The following ZNF398 variants were observed in gnomAD, a reference collection of about 807,000 sequenced individuals.
The protein encoded by ZNF398 is zinc finger protein 398, also known as zinc finger DNA binding protein ZER6.
Under a neutral mutation model 41.9 loss-of-function variants are expected in ZNF398, and 18 were observed. The ratio of observed to expected loss-of-function variants is 0.43; its 90% confidence interval spans 0.30 to 0.64. The LOEUF is 0.64. Ranked by LOEUF, ZNF398 falls within the 30% of genes least tolerant of loss-of-function variation. ZNF398 has a pLI of 0.14. For missense variants in ZNF398, 669 were observed against 822.8 expected (o/e 0.81, Z 2.29); for synonymous variants, 260 against 308.8 (o/e 0.84, Z 1.66).
rs533234369 is a variant in ZNF398, at chr7:149,141,295, A to G, written c.-490+12351A>G. On this transcript the variant is annotated intron_variant, in intron 2 of 6. Coordinates refer to the ZNF398 transcript ENST00000426851. ...TACAACTGTTCTCTCTAATCCACAG[A>G]CTTTTTTTTTTTTTTTTGAGACAGA... Among the ~76,000 whole-genome samples the G allele has an allele frequency of 3.6e-5, 3 of 82,254 alleles. No individual in the cohort carries two copies. The East Asian group carries it at 1.5e-3, about 40-fold the overall frequency. The allele number at this position is 82,254 out of a possible 152,430, so 54.0% of individuals were successfully genotyped here.
rs139777923 is a variant in ZNF398, at chr7:149,170,220, T to C, written c.661+3290T>C. Among the ~76,000 whole-genome samples the C allele has an allele frequency of 3.4e-4, 52 of 152,272 alleles. 1 individual carries two copies. In the East Asian group the frequency reaches 9.6e-3, roughly 28 times the overall value. The stretch of plus-strand genomic sequence containing the variant: ...GGATATCTTCTGAGAAATGCATCAT[T>C]AGTTGATTTTGTCATTGTGCAGACA... On this transcript the variant is annotated intron_variant, in intron 4 of 5. Coordinates refer to ENST00000475153, the MANE Select transcript of ZNF398 (RefSeq NM_170686.3).
chr7:149,143,228 G>A (rs1011617689), upstream of ZNF398, among the ~76,000 whole-genome samples: 2 of 152,180 alleles, frequency 1.3e-5, no homozygotes, highest in Admixed American at 6.6e-5. Flanking sequence ...ACTGAAGCAA[G>A]GTGGTGCAAT....
rs115588763 is a variant in ZNF398 at position 149,179,168 on chromosome 7, C to T, written c.1296C>T (p.Cys432=). Residue 432 remains cysteine (C), a synonymous_variant, in exon 6 of 6, where the codon TGC becomes TGT. Coordinates refer to ENST00000475153, the MANE Select transcript of ZNF398 (RefSeq NM_170686.3). The surrounding 1 kb of genome is among the most constrained non-coding windows in gnomAD (Gnocchi z 6.1). ...AGCGTCCTTTCCCCTGTCCTGATTG[C>T]CCCAAGCGCTTTGCTGACCAGGCTC... ...STERPFPCPD[C]PKRFADQARL... 7.3e-4 allele frequency: 1,183 copies of T among 1,613,846 alleles called. 5 individuals are homozygous for T. The highest frequency in any genetic ancestry group is 3.5e-3 in the Middle Eastern group (21 of 6,062).
At chr7:149,178,526 G>T in intron 5 of ZNF398, 122 bp from the exon 6 acceptor site, 2 of 770,640 alleles carry the variant, frequency 2.6e-6, no homozygotes, top group South Asian at 3.5e-5. Context: ...GGTTATTATT[G>T]CAGCCTTCTG....
Position 149,182,889 on chromosome 7 carries a change from A to G in ZNF398, c.*3088A>G, listed in dbSNP as rs911866708. ...CATTAATAATGTGTGCAAGTTTCCT[A>G]TTAGCGGGGAAGGTGTGGGGCTCTG... On this transcript the variant is annotated 3_prime_UTR_variant, in exon 6 of 6. Transcript: ENST00000475153. 5.3e-5 allele frequency: 8 copies of G among 152,158 alleles called. No individual in the cohort carries two copies. The highest frequency in any genetic ancestry group is 1.0e-4 in the Non-Finnish European group (7 of 68,026). 9.4% of individuals were successfully genotyped at this position (152,158 alleles called of 1,614,324 possible). A position where few individuals can be genotyped will look rare whatever the true frequency, so the allele number is the denominator to read the frequency against.
At chr7:149,153,614 A>G (rs1794906618) in intron 1 of ZNF398, among the ~76,000 whole-genome samples, 2 of 152,204 alleles carry the variant, frequency 1.3e-5, no homozygotes, top group South Asian at 2.1e-4. Flanking sequence ...AGGCCTGGAA[A>G]GGATCCTTGT....
intron 2 of ZNF398, among the ~76,000 whole-genome samples, chr7:149,141,456 CT>C (rs60019784): frequency 2.3e-4 from 30 of 128,240 alleles, no homozygotes; most frequent in Admixed American, 4.4e-4. Flanking sequence ...TCTTTTTTTT[CT>C]TTTTTTTTTT....
chr7:149,134,231 ATTTTTTTG>A (rs1160628755), intron 2 of ZNF398, among the ~76,000 whole-genome samples: 1 of 150,700 alleles, frequency 6.6e-6, no homozygotes, highest in East Asian at 2.0e-4. Context: ...CGCCCAGCTA[ATTTTTTTG>A]TTTTTTTGTT....
chr7:149,155,707 A>ATTTTTTTTTTTTTTTTT (rs1359986695), intron 2 of ZNF398, among the ~76,000 whole-genome samples: 1 of 73,578 alleles, frequency 1.4e-5, no homozygotes, highest in Non-Finnish European at 2.4e-5. Context: ...ATATATATAT[A>ATTTTTTTTTTTTTTTTT]TTTTTTTTTT....
chr7:149,173,093 A>AT (rs71192762), intron 4 of ZNF398, among the ~76,000 whole-genome samples: 745 of 64,964 alleles, frequency 0.011, 51 homozygotes, highest in Non-Finnish European at 0.016. Flanking sequence ...GGCAATTTCT[A>AT]TTTTTTTTTT....
intron 1 of ZNF398, among the ~76,000 whole-genome samples, chr7:149,128,033 T>G (rs1197505816): frequency 6.6e-6 from 1 of 152,198 alleles, no homozygotes; most frequent in African/African-American, 2.4e-5. Flanking sequence ...AAAAGCGTAA[T>G]GCTTTTGTGA....
intron 2 of ZNF398, among the ~76,000 whole-genome samples, chr7:149,163,527 C>T (rs1013739902): frequency 1.3e-5 from 2 of 152,102 alleles, no homozygotes; most frequent in African/African-American, 4.8e-5. Flanking sequence ...CCTGTGCCAC[C>T]ACGCCCCTGG....
chr7:149,168,851 G>A (rs866701244), intron 4 of ZNF398, among the ~76,000 whole-genome samples: 3 of 152,064 alleles, frequency 2.0e-5, no homozygotes, highest in South Asian at 2.1e-4. Flanking sequence ...CACCACGCCC[G>A]GCCATATTAT....
Position 149,147,720 on chromosome 7 carries a change from C to T in ZNF398, c.-23C>T. On this transcript the variant is annotated 5_prime_UTR_variant, in exon 1 of 6. Coordinates refer to ENST00000475153, the MANE Select transcript of ZNF398 (RefSeq NM_170686.3). This position sits in a 1 kb window ranked among gnomAD's most constrained non-coding sequence, Gnocchi z 5.6. ...GCGGCAGCGGCGGCGACTTCCGAGG[C>T]CCGGGCTAGACAGCGCAGGGCCATG... is the stretch of plus-strand genomic sequence containing the variant. The T allele has an allele frequency of 7.7e-7, 1 of 1,301,958 alleles. No homozygotes were observed. The highest frequency in any genetic ancestry group is 9.7e-7 in the Non-Finnish European group (1 of 1,027,506). 80.7% of individuals were successfully genotyped at this position (1,301,958 alleles called of 1,614,324 possible).
chr7:149,172,070 C>G (rs1272675447), intron 4 of ZNF398, among the ~76,000 whole-genome samples: 1 of 152,152 alleles, frequency 6.6e-6, no homozygotes, highest in Non-Finnish European at 1.5e-5. Context: ...CTTTGTACTA[C>G]TATACAAATG....
intron 4 of ZNF398, among the ~76,000 whole-genome samples, chr7:149,170,857 T>A (rs1173284623): frequency 1.3e-5 from 2 of 152,092 alleles, no homozygotes; most frequent in Non-Finnish European, 1.5e-5. Flanking sequence ...ATTACTAGGC[T>A]GTAGACTTTA....
At chr7:149,126,558 G>A (rs75181501) in exon 1 of ZNF398, 6,418 of 439,776 alleles carry the variant, frequency 0.015, 358 homozygotes, top group African/African-American at 0.12. Context: ...GGAAACGGAG[G>A]GGCAGGTGAA....
At chr7:149,155,730 A>ATTATT (rs148643688) in intron 2 of ZNF398, among the ~76,000 whole-genome samples, 8 of 92,368 alleles carry the variant, frequency 8.7e-5, no homozygotes, top group Non-Finnish European at 1.6e-4. Flanking sequence ...TTTTTTTTTT[A>ATTATT]ATTTTTTTTT....
chr7:149,148,360 C>CG (rs1827015677), intron 1 of ZNF398: 1 of 884,226 alleles, frequency 1.1e-6, no homozygotes, highest in Non-Finnish European at 1.4e-6. Flanking sequence ...CTGCGGGGGC[C>CG]GGCAGCGGCC....
Sources: allele counts gnomAD v4.1 joint callset (sites outside exome capture counted in the v4.1 genomes callset), GRCh38; gene constraint gnomAD v4.1.1; non-coding constraint Gnocchi (gnomAD v3.1); transcripts MANE v1.5; gene names NCBI Gene and HGNC (gene_info 2026-07-23, HGNC 2026-07-21).